Variants in SCD observed in about 807,000 individuals in gnomAD.
SCD encodes stearoyl-CoA desaturase, also known as acyl-CoA desaturase.
A neutral mutation model predicts 35.7 loss-of-function variants in SCD; 4 were observed. The ratio of observed to expected loss-of-function variants is 0.11; its 90% CI spans 0.06 to 0.26. The LOEUF is 0.26. Ranked by LOEUF, SCD falls within the 10% of genes least tolerant of loss-of-function variation. The pLI is 1.00. For synonymous variants in SCD, 150 were observed against 170.2 expected, an observed-to-expected ratio of 0.88 and a Z score of 0.92; for missense variants, 282 against 460.7, an observed-to-expected ratio of 0.61 and a Z score of 3.55.
At chr10:100,351,144 G>C (rs522951) in intron 2 of SCD, among the ~76,000 whole-genome samples, 91,723 of 152,062 alleles carry the variant, frequency 0.6, 29,006 homozygotes, top group African/African-American at 0.8. Flanking sequence ...ACATTGTTAA[G>C]AGTTTCTATC....
chr10:100,361,183 C>A lies in SCD; in HGVS notation c.*250C>A. On this transcript the variant is annotated 3_prime_UTR_variant, in exon 6 of 6. Transcript: ENST00000370355. The stretch of plus-strand genomic sequence containing the variant: ...CATTGTCCTCCTTTTCACTTTATTG[C>A]TATCGCCCTCCTTTCCCTTATTGCC... 2 of 483,726 alleles carry A rather than the reference C, an allele frequency of 4.1e-6. No individual in the cohort carries two copies. Among genetic ancestry groups the A allele is most frequent in the East Asian group, 3.8e-5 (1 of 26,068 alleles). 30.0% of individuals were successfully genotyped at this position (483,726 alleles called of 1,614,324 possible).
chr10:100,353,459 C>T (rs1849892322), intron 3 of SCD, among the ~76,000 whole-genome samples: 1 of 151,902 alleles, frequency 6.6e-6, no homozygotes, highest in Admixed American at 6.6e-5. Context: ...GTGGCGGGCA[C>T]CTGTAGTCCC....
rs1266088933 is a variant in SCD at position 100,361,221 on chromosome 10, A to G, written c.*288A>G. 1 of 402,480 alleles carries G rather than the reference A, an allele frequency of 2.5e-6. No homozygotes were observed. The highest frequency in any genetic ancestry group is 4.5e-6 in the Non-Finnish European group (1 of 219,966). The allele number at this position is 402,480 out of a possible 1,614,324, so 24.9% of individuals were successfully genotyped here. A position where few individuals can be genotyped will look rare whatever the true frequency, so the allele number is the denominator to read the frequency against. On this transcript the variant is annotated 3_prime_UTR_variant, in exon 6 of 6. Transcript: ENST00000370355. Reference sequence around the variant, plus strand: ...TTCCCTTATTGCCTCCCAGGCAAGCAGCTGGTCAGTCTTTGCTCAGTGTCC... The same window carrying G: ...TTCCCTTATTGCCTCCCAGGCAAGCGGCTGGTCAGTCTTTGCTCAGTGTCC...
intron 2 of SCD, among the ~76,000 whole-genome samples, chr10:100,350,632 C>G (rs1211204721): frequency 1.3e-5 from 2 of 152,164 alleles, no homozygotes; most frequent in Non-Finnish European, 2.9e-5. Flanking sequence ...AGAGGTGTTT[C>G]TAGAAAAGGC....
chr10:100,355,180 C>T lies in SCD; in HGVS notation c.647+548C>T, dbSNP rs566823721. Among the ~76,000 whole-genome samples, 7 of 152,262 alleles carry T rather than the reference C, an allele frequency of 4.6e-5. No individual in the cohort carries two copies. The South Asian group carries it at 1.2e-3, about 27-fold the overall frequency. ...TACCTTCAAAAAGTTTGTAGCCTAT[C>T]GGGGTGGAGAGATAAGCCAAGTATC... On this transcript the variant is annotated intron_variant, in intron 4 of 5. Coordinates refer to ENST00000370355, the MANE Select transcript of SCD (RefSeq NM_005063.5).
In SCD at chr10:100,363,269, G is replaced by A. The variant is rs1850007787; in HGVS notation, c.*2336G>A. On this transcript the variant is annotated 3_prime_UTR_variant, in exon 6 of 6. Transcript: ENST00000370355. ...AGAACCTTGGACCACTCCTGTCCCT[G>A]TAGCTCAGTCATCAAAGCAGAAGTC... The A allele has an allele frequency of 6.6e-6, 1 of 152,372 alleles. No homozygotes were observed. The highest frequency in any genetic ancestry group is 2.1e-4 in the South Asian group (1 of 4,832). 9.4% of individuals were successfully genotyped at this position (152,372 alleles called of 1,614,324 possible).
intron 2 of SCD, among the ~76,000 whole-genome samples, chr10:100,350,949 A>C (rs1268845865): frequency 2.6e-5 from 4 of 152,136 alleles, no homozygotes; most frequent in Non-Finnish European, 5.9e-5. Context: ...TGGAGATCTT[A>C]TAGGAGGAAT....
chr10:100,356,502 A>G lies in SCD; in HGVS notation c.648-30A>G, dbSNP rs756335787. ...CCATGTAGGTGTGGAGTCCCCCTCC[A>G]TTGACCTGGTGTCTGGTCTGTCAAT... On this transcript the variant is annotated intron_variant, in intron 4 of 5. Transcript: ENST00000370355. The surrounding 1 kb of genome is among the most constrained non-coding windows in gnomAD (Gnocchi z 4.1). 6 of 1,561,138 alleles carry G rather than the reference A, an allele frequency of 3.8e-6. No homozygotes were observed. In the African/African-American group the frequency reaches 6.8e-5, roughly 18 times the overall value.
intron 4 of SCD, 71 bp downstream of exon 4, chr10:100,354,703 C>T (rs1351677145): frequency 8.3e-7 from 1 of 1,198,476 alleles, no homozygotes; most frequent in Non-Finnish European, 1.2e-6. Flanking sequence ...ATTTTTTCTC[C>T]TGAGACTTTC....
At chr10:100,355,132 G>T (rs1849914906) in intron 4 of SCD, among the ~76,000 whole-genome samples, 1 of 152,164 alleles carries the variant, frequency 6.6e-6, no homozygotes. Flanking sequence ...TCACTATATT[G>T]CCCAGGCCGG....
chr10:100,360,623 A>C (rs190087129), intron 5 of SCD, 111 bp from the exon 6 acceptor site: 1 of 820,398 alleles, frequency 1.2e-6, no homozygotes, highest in Non-Finnish European at 2.1e-6. Flanking sequence ...TCATCCATTC[A>C]ACAATAGCGA....
chr10:100,347,968 C>A (rs1392421542), intron 1 of SCD, 96 bp from the exon 2 acceptor site: 17 of 1,261,498 alleles, frequency 1.3e-5, no homozygotes, highest in South Asian at 1.1e-4. Flanking sequence ...AGGGTCCGTA[C>A]TGTCCACCCT....
rs769596958 is a variant in SCD, at chr10:100,348,366, TCCTGACCTAGTCCTCCAGGTACTCA to T, written c.310+22_310+46del. On this transcript the variant is annotated intron_variant, in intron 2 of 5. Coordinates refer to ENST00000370355, the MANE Select transcript of SCD (RefSeq NM_005063.5). The stretch of plus-strand genomic sequence containing the variant: ...TTTGGGGTAAGCAGCCTCCCTGTCC[TCCTGACCTAGTCCTCCAGGTACTCA>T]CTGCTCTTTTAATAAGGTAGGATCT... The T allele has an allele frequency of 1.9e-6, 3 of 1,609,590 alleles. No homozygotes were observed. In the Admixed American group the frequency reaches 5.0e-5, roughly 27 times the overall value.
At chr10:100,355,055 T>C (rs1484108256) in intron 4 of SCD, among the ~76,000 whole-genome samples, 1 of 152,196 alleles carries the variant, frequency 6.6e-6, no homozygotes, top group East Asian at 1.9e-4. Flanking sequence ...CTCAACCTCC[T>C]GAGTATCTGG....
chr10:100,358,221 G>A (rs1007796018), intron 5 of SCD, among the ~76,000 whole-genome samples: 1 of 152,050 alleles, frequency 6.6e-6, no homozygotes, highest in East Asian at 2.0e-4. Flanking sequence ...GGCTGGTCTC[G>A]AACTCCTGAG....
In SCD at chr10:100,352,040, G is replaced by C. The variant is rs975312514; in HGVS notation, c.311-326G>C. ...AACCTTAGAGAAGGCCTAGATAGAG[G>C]TGAAAGGAGATAGCTAGGCCCTGGG... On this transcript the variant is annotated intron_variant, in intron 2 of 5. Transcript: ENST00000370355. The surrounding 1 kb of genome is among the most constrained non-coding windows in gnomAD (Gnocchi z 4.2). Among the ~76,000 whole-genome samples, 1 of 152,184 alleles carries C rather than the reference G, an allele frequency of 6.6e-6. No individual in the cohort carries two copies. The highest frequency in any genetic ancestry group is 1.5e-5 in the Non-Finnish European group (1 of 68,034).
Position 100,356,815 on chromosome 10 carries a change from G to C in SCD, c.880+51G>C. 1 of 1,444,848 alleles carries C rather than the reference G, an allele frequency of 6.9e-7. No homozygotes were observed. The highest frequency in any genetic ancestry group is 9.7e-7 in the Non-Finnish European group (1 of 1,029,744). 89.5% of individuals were successfully genotyped at this position (1,444,848 alleles called of 1,614,324 possible). On this transcript the variant is annotated intron_variant, in intron 5 of 5. Coordinates refer to ENST00000370355, the MANE Select transcript of SCD (RefSeq NM_005063.5). The surrounding 1 kb of genome is among the most constrained non-coding windows in gnomAD (Gnocchi z 4.1). ...ACATCCAGTGGTCTGCTGATTAGGG[G>C]ATTAGGCTAGGAGCCAGAAAAACTA...
intron 5 of SCD, among the ~76,000 whole-genome samples, chr10:100,359,907 G>A (rs996402814): frequency 6.6e-6 from 1 of 152,200 alleles, no homozygotes; most frequent in Non-Finnish European, 1.5e-5. Context: ...TCCAGAATTT[G>A]TTTGTTTTCC....
intron 3 of SCD, among the ~76,000 whole-genome samples, chr10:100,353,922 C>T (rs3870747): frequency 0.13 from 20,095 of 152,248 alleles, 1,655 homozygotes; most frequent in African/African-American, 0.23. Flanking sequence ...CAGTCATGAT[C>T]ACGAGTTGCA....
Sources: allele counts gnomAD v4.1 joint callset (sites outside exome capture counted in the v4.1 genomes callset), GRCh38; gene constraint gnomAD v4.1.1; non-coding constraint Gnocchi (gnomAD v3.1); transcripts MANE v1.5; gene names NCBI Gene and HGNC (gene_info 2026-07-23, HGNC 2026-07-21).